SPATS2L: variants seen among roughly 807,000 people sequenced by gnomAD.
SPATS2L encodes the protein SPATS2-like protein.
A neutral mutation model predicts 59.6 loss-of-function variants in SPATS2L; 30 were observed. That is an observed-to-expected ratio of 0.50 (90% CI 0.38 to 0.68). The LOEUF is 0.68. Among genes scored for constraint, SPATS2L ranks in the 30% least tolerant of loss-of-function variants. SPATS2L has a pLI of 0.00. For synonymous variants in SPATS2L, 252 were observed against 263.5 expected (o/e 0.96, Z 0.42); for missense variants, 615 against 700.0 (o/e 0.88, Z 1.37).
At chr2:200,326,341 G>T (rs1403592697) in intron 1 of SPATS2L, among the ~76,000 whole-genome samples, 1 of 152,096 alleles carries the variant, frequency 6.6e-6, no homozygotes, top group Non-Finnish European at 1.5e-5. Context: ...AATTCAGATT[G>T]TTAAAGTAGT....
intron 2 of SPATS2L, among the ~76,000 whole-genome samples, chr2:200,337,650 T>C (rs551116189): frequency 2.6e-5 from 4 of 152,326 alleles, no homozygotes; most frequent in South Asian, 2.1e-4. Context: ...TTGAAAGGCA[T>C]GTGTGGCTTA....
intron 6 of SPATS2L, among the ~76,000 whole-genome samples, chr2:200,430,147 C>T (rs537044625): frequency 8.5e-5 from 13 of 152,210 alleles, no homozygotes; most frequent in Non-Finnish European, 1.5e-4. Flanking sequence ...AGTTCTGTGA[C>T]GACAGAGACC....
At chr2:200,372,564 C>T (rs1257015905) in intron 2 of SPATS2L, among the ~76,000 whole-genome samples, 1 of 152,074 alleles carries the variant, frequency 6.6e-6, no homozygotes, top group Non-Finnish European at 1.5e-5. Context: ...GGCATTTTTG[C>T]CAAGCCAGCT....
At chr2:200,432,594 C>A (rs551521784) in intron 6 of SPATS2L, among the ~76,000 whole-genome samples, 1 of 152,102 alleles carries the variant, frequency 6.6e-6, no homozygotes, top group East Asian at 1.9e-4. Flanking sequence ...TGGTCAGTGT[C>A]CAATTTTAAA....
At chr2:200,418,580 A>ATAAT (rs1342164215) in intron 5 of SPATS2L, among the ~76,000 whole-genome samples, 12 of 66,626 alleles carry the variant, frequency 1.8e-4, no homozygotes, top group Admixed American at 8.8e-4. Context: ...ACCTTATTAA[A>ATAAT]TAATAAATAA....
chr2:200,479,707 C>T lies in SPATS2L; in HGVS notation c.*1676C>T, dbSNP rs1013208771. The T allele has an allele frequency of 2.5e-6, 1 of 398,674 alleles. No individual in the cohort carries two copies. Among genetic ancestry groups the T allele is most frequent in the Non-Finnish European group, 4.4e-6 (1 of 226,112 alleles). 24.7% of individuals were successfully genotyped at this position (398,674 alleles called of 1,614,324 possible). ...CTACTCACAAGTGCAAATGCTTATT[C>T]TCAACTCAACATTAACATTTTTTCT... On this transcript the variant is annotated 3_prime_UTR_variant, in exon 13 of 13. Coordinates refer to ENST00000409140, the MANE Select transcript of SPATS2L (RefSeq NM_001100423.2).
intron 2 of SPATS2L, among the ~76,000 whole-genome samples, chr2:200,359,204 C>T (rs940398120): frequency 6.6e-6 from 1 of 152,090 alleles, no homozygotes; most frequent in African/African-American, 2.4e-5. Context: ...CTTTCTTCCT[C>T]CATATTTTAC....
chr2:200,479,713 T>C lies in SPATS2L; in HGVS notation c.*1682T>C. On this transcript the variant is annotated 3_prime_UTR_variant, in exon 13 of 13. Coordinates refer to ENST00000409140, the MANE Select transcript of SPATS2L (RefSeq NM_001100423.2). ...ACAAGTGCAAATGCTTATTCTCAAC[T>C]CAACATTAACATTTTTTCTGGCAAC... 2 of 398,640 alleles carry C rather than the reference T, an allele frequency of 5.0e-6. No individual in the cohort carries two copies. The highest frequency in any genetic ancestry group is 8.8e-6 in the Non-Finnish European group (2 of 226,082). The allele number at this position is 398,640 out of a possible 1,614,324, so 24.7% of individuals were successfully genotyped here.
intron 2 of SPATS2L, among the ~76,000 whole-genome samples, chr2:200,350,934 C>T (rs909122300): frequency 1.3e-5 from 2 of 152,048 alleles, no homozygotes; most frequent in Non-Finnish European, 2.9e-5. Flanking sequence ...TGTTGAGGCT[C>T]TTGGCTTCAG....
At chr2:200,322,048 T>C (rs551044142) in intron 1 of SPATS2L, among the ~76,000 whole-genome samples, 1 of 152,346 alleles carries the variant, frequency 6.6e-6, no homozygotes, top group East Asian at 1.9e-4. Flanking sequence ...TTCTACAAAA[T>C]GTCACTTGGT....
upstream of SPATS2L, chr2:200,306,276 A>G (rs1173915105): frequency 2.0e-6 from 2 of 1,002,320 alleles, no homozygotes; most frequent in Non-Finnish European, 2.4e-6. Flanking sequence ...CTGAGGGAGC[A>G]AAGTTCATTT....
intron 6 of SPATS2L, among the ~76,000 whole-genome samples, chr2:200,437,527 G>A (rs928140291): frequency 6.6e-6 from 1 of 152,136 alleles, no homozygotes; most frequent in African/African-American, 2.4e-5. Flanking sequence ...AAGTTTGACA[G>A]CCAGTGCCTT....
At chr2:200,341,831 A>C (rs951366781) in intron 2 of SPATS2L, among the ~76,000 whole-genome samples, 4 of 151,860 alleles carry the variant, frequency 2.6e-5, no homozygotes, top group African/African-American at 7.3e-5. Context: ...CTGGGACTAC[A>C]GGTGCCTGCC....
In SPATS2L at chr2:200,477,694, A is replaced by C. The variant is rs2087648144; in HGVS notation, c.1340A>C (p.Asn447Thr). Residue 447 changes from asparagine (N) to threonine (T), a missense_variant, in exon 13 of 13, where the codon AAT (asparagine) becomes ACT (threonine). Transcript: ENST00000409140. ...FNPQYHNNRLNGPAKSQGSGN... is the reference protein window; with the variant it reads ...FNPQYHNNRLTGPAKSQGSGN... ...CCACAGTATCATAACAACAGGCTAAATGGGCCTGCCAAGTCGCAGGGCAGT... is the reference window on the plus strand; with the variant it reads ...CCACAGTATCATAACAACAGGCTAACTGGGCCTGCCAAGTCGCAGGGCAGT... 6.4e-7 allele frequency: 1 copy of C among 1,566,314 alleles called. No individual in the cohort carries two copies. The highest frequency in any genetic ancestry group is 1.9e-5 in the Admixed American group (1 of 52,746).
At chr2:200,329,285 A>G (rs2079856364) in intron 1 of SPATS2L, 146 bp from the exon 2 acceptor site, 1 of 678,362 alleles carries the variant, frequency 1.5e-6, no homozygotes, top group African/African-American at 1.8e-5. Flanking sequence ...ACCTGGAGTC[A>G]CATAGCTGTT....
At chr2:200,466,220 C>G (rs1204931474) in intron 9 of SPATS2L, among the ~76,000 whole-genome samples, 1 of 152,172 alleles carries the variant, frequency 6.6e-6, no homozygotes, top group African/African-American at 2.4e-5. Context: ...TGCTGTGAAT[C>G]TGGTCTAATA....
At chr2:200,332,410 A>AT (rs1036722888) in intron 2 of SPATS2L, among the ~76,000 whole-genome samples, 5 of 151,716 alleles carry the variant, frequency 3.3e-5, no homozygotes, top group African/African-American at 9.7e-5. Flanking sequence ...ACAACTGGCT[A>AT]TTTTTTTTAT....
chr2:200,320,052 AGGGCCCT>A (rs377461637), intron 1 of SPATS2L, among the ~76,000 whole-genome samples: 96 of 151,732 alleles, frequency 6.3e-4, no homozygotes, highest in Non-Finnish European at 1.1e-3. Context: ...GGCCAAAGAT[AGGGCCCT>A]GTGACATTCT....
chr2:200,436,303 C>G (rs2084288167), intron 6 of SPATS2L, among the ~76,000 whole-genome samples: 2 of 152,138 alleles, frequency 1.3e-5, no homozygotes, highest in Admixed American at 1.3e-4. Flanking sequence ...GAAGACAGAT[C>G]TATACTAAAG....
Sources: allele counts gnomAD v4.1 joint callset (sites outside exome capture counted in the v4.1 genomes callset), GRCh38; gene constraint gnomAD v4.1.1; transcripts MANE v1.5; gene names NCBI Gene and HGNC (gene_info 2026-07-23, HGNC 2026-07-21).